KLHL14: variants seen among roughly 807,000 people sequenced by gnomAD.
The protein encoded by KLHL14 is kelch like family member 14.
In KLHL14, 22 loss-of-function variants were observed where a neutral mutation model predicts 64.3. The observed-to-expected ratio is 0.34, with a 90% CI of 0.24 to 0.49. The LOEUF (loss-of-function observed/expected upper bound fraction) is 0.49. KLHL14 is among the 20% of genes least tolerant of loss of function. The probability of loss-of-function intolerance (pLI) is 0.99; values close to 1 mark genes in which losing one functional copy is unlikely to be tolerated. For synonymous variants in KLHL14, 322 were observed against 333.4 expected (o/e 0.97, Z 0.37); for missense variants, 661 against 789.0 (o/e 0.84, Z 1.94).
At chr18:32,731,051 G>A (rs575809925) in intron 3 of KLHL14, among the ~76,000 whole-genome samples, 30 of 152,006 alleles carry the variant, frequency 2.0e-4, no homozygotes, top group African/African-American at 5.1e-4. Flanking sequence ...TTGCTCCATC[G>A]GAAACACTTA....
intron 3 of KLHL14, among the ~76,000 whole-genome samples, chr18:32,716,355 T>C (rs1051483754): frequency 6.6e-6 from 1 of 152,062 alleles, no homozygotes; most frequent in African/African-American, 2.4e-5. Context: ...GTGGCTTTTT[T>C]GGTGAGAGAA....
At chr18:32,747,947 T>C (rs2050231933) in intron 2 of KLHL14, among the ~76,000 whole-genome samples, 1 of 152,248 alleles carries the variant, frequency 6.6e-6, no homozygotes. Context: ...TCAATTCGTT[T>C]ACAGTTAGCA....
intron 2 of KLHL14, among the ~76,000 whole-genome samples, chr18:32,769,441 T>C (rs2050364726): frequency 6.6e-6 from 1 of 152,206 alleles, no homozygotes; most frequent in African/African-American, 2.4e-5. Context: ...TCAGGGATGC[T>C]GCTAGGCCAG....
At chr18:32,713,489 C>G (rs985472083) in intron 3 of KLHL14, among the ~76,000 whole-genome samples, 6 of 152,142 alleles carry the variant, frequency 3.9e-5, no homozygotes, top group Non-Finnish European at 7.3e-5. Context: ...CATGGTGGCT[C>G]ACACCCATAA....
chr18:32,691,790 TTC>T (rs932866930), intron 4 of KLHL14, among the ~76,000 whole-genome samples: 1 of 152,190 alleles, frequency 6.6e-6, no homozygotes, highest in Middle Eastern at 3.2e-3. Flanking sequence ...CCTTCACACA[TTC>T]TGTTTTTTCT....
intron 2 of KLHL14, among the ~76,000 whole-genome samples, chr18:32,759,240 T>G (rs2050301267): frequency 6.6e-6 from 1 of 152,158 alleles, no homozygotes; most frequent in Non-Finnish European, 1.5e-5. Context: ...CAAAGGTGGA[T>G]AAAATGAACA....
chr18:32,679,003 C>T (rs1047092129), intron 7 of KLHL14, among the ~76,000 whole-genome samples: 4 of 151,898 alleles, frequency 2.6e-5, no homozygotes, highest in Admixed American at 6.6e-5. Flanking sequence ...AACATGTCGA[C>T]GTAAAGGAAT....
intron 3 of KLHL14, among the ~76,000 whole-genome samples, chr18:32,717,234 A>T (rs2050050722): frequency 6.6e-6 from 1 of 152,258 alleles, no homozygotes; most frequent in South Asian, 2.1e-4. Context: ...TTGCAAGTGC[A>T]ATTTGATGAT....
At chr18:32,740,330 A>G (rs914563174) in intron 3 of KLHL14, among the ~76,000 whole-genome samples, 2 of 152,170 alleles carry the variant, frequency 1.3e-5, no homozygotes, top group African/African-American at 4.8e-5. Context: ...TTTCTAAGGT[A>G]TTGTTCACAA....
At chr18:32,771,461 A>C (rs575352634) in intron 1 of KLHL14, among the ~76,000 whole-genome samples, 1 of 152,180 alleles carries the variant, frequency 6.6e-6, no homozygotes, top group South Asian at 2.1e-4. Context: ...CAGTTTGGCT[A>C]ATTTTCCAGA....
chr18:32,759,583 C>T (rs1018835091), intron 2 of KLHL14, among the ~76,000 whole-genome samples: 1 of 151,888 alleles, frequency 6.6e-6, no homozygotes, highest in African/African-American at 2.4e-5. Context: ...AGTAAATTAC[C>T]CAAGGAGAAG....
Position 32,687,161 on chromosome 18 carries a change from T to G in KLHL14, c.1232A>C (p.Gln411Pro), listed in dbSNP as rs1471598818. ...GCAAGAAATAAACACTTACCTTTCCTGCATGGGTGGAAGTTGAATCCAGCT... is the reference window on the plus strand; with the variant it reads ...GCAAGAAATAAACACTTACCTTTCCGGCATGGGTGGAAGTTGAATCCAGCT... ...FNSWIQLPPM[Q>P]ERRASFYACR... Residue 411 changes from glutamine to proline, a missense_variant, in exon 5 of 9, where the codon CAG (glutamine) becomes CCG (proline). By Grantham distance (76) the Gln-to-Pro change is moderately conservative. Transcript: ENST00000359358. The G allele has an allele frequency of 6.2e-7, 1 of 1,613,336 alleles. No individual in the cohort carries two copies. The highest frequency in any genetic ancestry group is 1.1e-5 in the South Asian group (1 of 91,062).
chr18:32,769,619 C>A, intron 2 of KLHL14, 26 bp downstream of exon 2: 1 of 1,276,144 alleles, frequency 7.8e-7, no homozygotes, highest in Non-Finnish European at 1.1e-6. Context: ...CCCCCCTCCC[C>A]CGCCCTCCTC....
chr18:32,743,713 GCC>G (rs1249856538), intron 2 of KLHL14: 3 of 152,206 alleles, frequency 2.0e-5, no homozygotes, highest in Non-Finnish European at 4.4e-5. Context: ...ACAGCAAAGA[GCC>G]CCCATACTTG....
At chr18:32,728,298 C>T (rs2050117633) in intron 3 of KLHL14, among the ~76,000 whole-genome samples, 1 of 152,140 alleles carries the variant, frequency 6.6e-6, no homozygotes, top group South Asian at 2.1e-4. Flanking sequence ...TTCGGGTACA[C>T]ATTTTGGCTC....
intron 3 of KLHL14, among the ~76,000 whole-genome samples, chr18:32,703,601 C>G (rs1404310979): frequency 1.3e-5 from 2 of 152,168 alleles, no homozygotes; most frequent in Non-Finnish European, 2.9e-5. Flanking sequence ...TGTTGATTTA[C>G]AGTTTTAGTT....
chr18:32,723,816 C>T (rs9962132), intron 3 of KLHL14, among the ~76,000 whole-genome samples: 44,811 of 152,010 alleles, frequency 0.29, 6,868 homozygotes, highest in African/African-American at 0.37. Flanking sequence ...CTTTTGCCCA[C>T]ATCTCTCAAA....
intron 3 of KLHL14, chr18:32,740,899 T>C (rs2050193145): frequency 6.6e-6 from 1 of 152,184 alleles, no homozygotes; most frequent in Admixed American, 6.5e-5. Context: ...CCACCACACA[T>C]GTCTCTGCTC....
chr18:32,767,415 T>C (rs1221120295), intron 2 of KLHL14, among the ~76,000 whole-genome samples: 1 of 152,264 alleles, frequency 6.6e-6, no homozygotes, highest in Non-Finnish European at 1.5e-5. Flanking sequence ...AGGTCAATGA[T>C]AGGTTCGCAT....
Sources: allele counts gnomAD v4.1 joint callset (sites outside exome capture counted in the v4.1 genomes callset), GRCh38; gene constraint gnomAD v4.1.1; transcripts MANE v1.5; gene names NCBI Gene and HGNC (gene_info 2026-07-23, HGNC 2026-07-21).